SUSD4: variants seen among roughly 807,000 people sequenced by gnomAD.
SUSD4 encodes sushi domain-containing protein 4.
A neutral mutation model predicts 50.5 loss-of-function variants in SUSD4; 41 were observed. The ratio of observed to expected loss-of-function variants is 0.81; its 90% CI spans 0.63 to 1.05. The LOEUF (loss-of-function observed/expected upper bound fraction) is 1.05, where lower values mean the gene tolerates loss of function less well. Among genes scored for constraint, SUSD4 ranks in the 50% least tolerant of loss-of-function variants. The pLI, the probability that SUSD4 is intolerant of heterozygous loss-of-function variation, is 0.00. For synonymous variants in SUSD4, 257 were observed against 257.3 expected (o/e 1.00, Z 0.01); for missense variants, 580 against 634.7 (o/e 0.91, Z 0.93).
intron 2 of SUSD4, among the ~76,000 whole-genome samples, chr1:223,344,492 G>A (rs1266759520): frequency 1.3e-5 from 2 of 152,070 alleles, no homozygotes; most frequent in South Asian, 2.1e-4. Flanking sequence ...CTTATTTGTA[G>A]CTAAGGGAAG....
At chr1:223,286,890 G>C (rs1664180015) in intron 3 of SUSD4, among the ~76,000 whole-genome samples, 2 of 152,148 alleles carry the variant, frequency 1.3e-5, no homozygotes, top group African/African-American at 4.8e-5. Context: ...GTTGTTAGGT[G>C]AATCTCATGA....
chr1:223,265,548 T>C (rs1662434365), intron 4 of SUSD4, among the ~76,000 whole-genome samples: 2 of 152,356 alleles, frequency 1.3e-5, no homozygotes, highest in African/African-American at 2.4e-5. Flanking sequence ...CTGCTGCTGC[T>C]GCCACTGCCA....
chr1:223,345,280 C>T (rs1188897065), intron 2 of SUSD4, among the ~76,000 whole-genome samples: 2 of 152,194 alleles, frequency 1.3e-5, no homozygotes, highest in African/African-American at 4.8e-5. Flanking sequence ...GAAACCCTCA[C>T]ATCCCTGGCT....
rs1188181761 is a variant in SUSD4 at position 223,311,399 on chromosome 1, A to G, written c.149-18748T>C. Among the ~76,000 whole-genome samples, 3 of 152,348 alleles carry G rather than the reference A, an allele frequency of 2.0e-5. No homozygotes were observed. In the South Asian group the frequency reaches 6.2e-4, roughly 32 times the overall value. The stretch of plus-strand genomic sequence containing the variant: ...AAAAGGAAATGCTACATATGATGTA[A>G]GTGCTCTCCAGGCAGCCTGTGCTGC... On this transcript the variant is annotated intron_variant, in intron 2 of 8. Transcript: ENST00000366878.
intron 2 of SUSD4, among the ~76,000 whole-genome samples, chr1:223,331,832 C>T (rs1667194510): frequency 6.6e-6 from 1 of 152,200 alleles, no homozygotes; most frequent in Non-Finnish European, 1.5e-5. Flanking sequence ...GACGTGTGTT[C>T]TCCTCTGCCT....
At chr1:223,285,547 T>G (rs1664082680) in intron 3 of SUSD4, among the ~76,000 whole-genome samples, 1 of 152,022 alleles carries the variant, frequency 6.6e-6, no homozygotes, top group African/African-American at 2.4e-5. Flanking sequence ...AAGGAAAGAG[T>G]ACCCATGTGC....
At chr1:223,272,140 T>A (rs1251399638) in intron 3 of SUSD4, among the ~76,000 whole-genome samples, 3 of 152,202 alleles carry the variant, frequency 2.0e-5, no homozygotes, top group East Asian at 3.8e-4. Context: ...GGCAGGAGAA[T>A]CGCTTGAACC....
chr1:223,265,632 G>A (rs1031307350), intron 4 of SUSD4, among the ~76,000 whole-genome samples: 1 of 152,188 alleles, frequency 6.6e-6, no homozygotes, highest in Non-Finnish European at 1.5e-5. Context: ...GTGCAATAGT[G>A]TGGAAGTGGG....
At chr1:223,300,326 A>G (rs1020004911) in intron 2 of SUSD4, among the ~76,000 whole-genome samples, 10 of 152,164 alleles carry the variant, frequency 6.6e-5, no homozygotes, top group African/African-American at 2.2e-4. Flanking sequence ...TCTCCTAACC[A>G]AAAACTGTGT....
intron 3 of SUSD4, among the ~76,000 whole-genome samples, chr1:223,282,116 A>G (rs1457496157): frequency 5.3e-5 from 8 of 152,166 alleles, no homozygotes; most frequent in Admixed American, 5.2e-4. Flanking sequence ...TTTATGACAA[A>G]CCCACAGCCA....
chr1:223,324,321 G>A (rs1475420944), intron 2 of SUSD4, among the ~76,000 whole-genome samples: 1 of 151,332 alleles, frequency 6.6e-6, no homozygotes, highest in Non-Finnish European at 1.5e-5. Context: ...AGAGTGTCTT[G>A]GGGCCATTGG....
chr1:223,360,260 G>T (rs1191817186), intron 2 of SUSD4: 2 of 470,156 alleles, frequency 4.3e-6, no homozygotes, highest in Non-Finnish European at 8.8e-6. Flanking sequence ...GCCTGGGGGT[G>T]GGGGGCACTC....
chr1:223,336,961 T>C (rs1329839358), intron 2 of SUSD4, among the ~76,000 whole-genome samples: 1 of 152,158 alleles, frequency 6.6e-6, no homozygotes, highest in African/African-American at 2.4e-5. Context: ...GCCACTAAGA[T>C]GGTGGAAAAG....
At chr1:223,304,265 G>A (rs1665378503) in intron 2 of SUSD4, among the ~76,000 whole-genome samples, 1 of 152,150 alleles carries the variant, frequency 6.6e-6, no homozygotes, top group African/African-American at 2.4e-5. Context: ...CTCTCTGCAG[G>A]GGGAAGCACA....
intron 2 of SUSD4, among the ~76,000 whole-genome samples, chr1:223,308,360 A>G (rs1665673954): frequency 6.6e-6 from 1 of 152,012 alleles, no homozygotes; most frequent in African/African-American, 2.4e-5. Flanking sequence ...TGCTCTTACC[A>G]TGTGAGACAC....
intron 2 of SUSD4, among the ~76,000 whole-genome samples, chr1:223,316,127 G>A (rs1044937905): frequency 1.1e-4 from 16 of 152,074 alleles, no homozygotes; most frequent in Admixed American, 5.2e-4. Flanking sequence ...GAGGTGCAGC[G>A]GGGGCTGGCA....
At chr1:223,311,525 T>A (rs1390503791) in intron 2 of SUSD4, among the ~76,000 whole-genome samples, 3 of 152,202 alleles carry the variant, frequency 2.0e-5, no homozygotes, top group South Asian at 2.1e-4. Context: ...ATCTGCAGAT[T>A]TCTATCCTAA....
At chr1:223,314,022 C>T (rs1194121101) in intron 2 of SUSD4, among the ~76,000 whole-genome samples, 6 of 152,104 alleles carry the variant, frequency 3.9e-5, no homozygotes, top group Non-Finnish European at 8.8e-5. Context: ...AAACAGCAGC[C>T]CTCAGAACTG....
intron 3 of SUSD4, among the ~76,000 whole-genome samples, chr1:223,276,002 A>G (rs1420226777): frequency 6.6e-6 from 1 of 152,232 alleles, no homozygotes; most frequent in Non-Finnish European, 1.5e-5. Flanking sequence ...AATAGGACTC[A>G]CAGGATGCTG....
Sources: allele counts gnomAD v4.1 joint callset (sites outside exome capture counted in the v4.1 genomes callset), GRCh38; gene constraint gnomAD v4.1.1; transcripts MANE v1.5; gene names NCBI Gene and HGNC (gene_info 2026-07-23, HGNC 2026-07-21).